The following JMJD1C variants were observed in gnomAD, a reference collection of about 807,000 sequenced individuals.
The protein encoded by JMJD1C is jumonji domain-containing protein 1C.
Under a neutral mutation model 245.3 loss-of-function variants are expected in JMJD1C, and 31 were observed. The ratio of observed to expected loss-of-function variants is 0.13; its 90% CI spans 0.09 to 0.17. The LOEUF (loss-of-function observed/expected upper bound fraction) is 0.17, where lower values mean the gene tolerates loss of function less well. Among genes scored for constraint, JMJD1C ranks in the 10% least tolerant of loss-of-function variants. JMJD1C has a pLI of 1.00. For missense variants in JMJD1C, 2,691 were observed against 3,000.2 expected, an observed-to-expected ratio of 0.90 and a Z score of 2.41; for synonymous variants, 1,057 against 1,017.4, an observed-to-expected ratio of 1.04 and a Z score of -0.74.
intron 2 of JMJD1C, among the ~76,000 whole-genome samples, chr10:63,275,577 TATTTA>T: frequency 6.6e-6 from 1 of 152,294 alleles, no homozygotes; most frequent in East Asian, 1.9e-4. Context: ...AAGAAAAGCT[TATTTA>T]ATTACTTTTA....
At chr10:63,407,958 A>C (rs1174361242) in intron 1 of JMJD1C, among the ~76,000 whole-genome samples, 1 of 152,180 alleles carries the variant, frequency 6.6e-6, no homozygotes, top group Admixed American at 6.5e-5. Context: ...GGAAAAACAG[A>C]ATCAGTGTGG....
At chr10:63,237,406 C>T (rs1049408681) in intron 3 of JMJD1C, among the ~76,000 whole-genome samples, 7 of 152,100 alleles carry the variant, frequency 4.6e-5, no homozygotes, top group Non-Finnish European at 2.9e-5. Context: ...AATACCACAT[C>T]GAAGTTTTTT....
chr10:63,426,822 GATA>G (rs748071306), intron 1 of JMJD1C, among the ~76,000 whole-genome samples: 1 of 152,116 alleles, frequency 6.6e-6, no homozygotes, highest in Non-Finnish European at 1.5e-5. Flanking sequence ...TCTAGTGTAA[GATA>G]ATATTTTCTC....
rs1339098527 is a variant in JMJD1C at position 63,209,151 on chromosome 10, G to T, written c.2779C>A (p.Pro927Thr). 1 of 1,613,944 alleles carries T rather than the reference G, an allele frequency of 6.2e-7. No individual in the cohort carries two copies. The highest frequency in any genetic ancestry group is 2.2e-5 in the East Asian group (1 of 44,874). The change falls in exon 9 of 26, where the codon CCT (proline) becomes ACT (threonine). Residue 927 changes from proline (P) to threonine (T), a missense_variant. Pro to Thr is a conservative substitution (Grantham distance 38). Around this residue, in one of 9 missense-constraint regions of JMJD1C, gnomAD observed 1,562 missense variants for 1,490.7 expected, o/e 1.05. Transcript: ENST00000399262. Reference protein sequence around the residue: ...IGLLSHIPVRPSSAEPHRPLK... With the variant: ...IGLLSHIPVRTSSAEPHRPLK... ...GGCCGATGAGGCTCTGCACTGGAAGGTCTGACAGGAATGTGACTAAGTAAT... is the reference window on the plus strand; with the variant it reads ...GGCCGATGAGGCTCTGCACTGGAAGTTCTGACAGGAATGTGACTAAGTAAT...
chr10:63,491,580 G>T (rs1322080946), intron 1 of JMJD1C, among the ~76,000 whole-genome samples: 1 of 152,154 alleles, frequency 6.6e-6, no homozygotes, highest in Non-Finnish European at 1.5e-5. Flanking sequence ...TAAGAAGGTG[G>T]ATAAGAGTAT....
chr10:63,274,317 C>T (rs1856587103), intron 2 of JMJD1C, among the ~76,000 whole-genome samples: 3 of 152,172 alleles, frequency 2.0e-5, no homozygotes, highest in African/African-American at 7.2e-5. Context: ...GTAATCCCAG[C>T]ACTCTGGGAG....
At position 63,402,321 on chromosome 10, in the gene JMJD1C, T is replaced by G. The variant is rs149374104; in HGVS notation, c.169-21839A>C. Among the ~76,000 whole-genome samples the G allele has an allele frequency of 3.3e-5, 5 of 152,306 alleles. No individual in the cohort carries two copies. In the East Asian group the frequency reaches 9.6e-4, roughly 29 times the overall value. On this transcript the variant is annotated intron_variant, in intron 1 of 25. Transcript: ENST00000399262. ...AAGTAAGTACATTTACGAAGAATAC[T>G]TGTAACATTTCGTTAAAATAAACTT...
At chr10:63,402,589 C>A (rs1425434785) in intron 1 of JMJD1C, among the ~76,000 whole-genome samples, 1 of 152,166 alleles carries the variant, frequency 6.6e-6, no homozygotes, top group Non-Finnish European at 1.5e-5. Flanking sequence ...CATTTCTGCA[C>A]TTTAATTCCC....
chr10:63,305,401 A>G (rs2134012477), intron 2 of JMJD1C, among the ~76,000 whole-genome samples: 1 of 146,570 alleles, frequency 6.8e-6, no homozygotes, highest in Non-Finnish European at 1.5e-5. Context: ...GGTTGCAGTG[A>G]GCTCTAATTG....
At chr10:63,422,362 C>A (rs558335039) in intron 1 of JMJD1C, among the ~76,000 whole-genome samples, 3 of 152,028 alleles carry the variant, frequency 2.0e-5, no homozygotes, top group African/African-American at 4.8e-5. Context: ...AGTGAGCCAA[C>A]TGCACTCCAG....
At chr10:63,495,310 G>A (rs949607469) in intron 1 of JMJD1C, among the ~76,000 whole-genome samples, 106 of 151,698 alleles carry the variant, frequency 7.0e-4, no homozygotes, top group African/African-American at 2.4e-3. Context: ...GCTAAGGTAA[G>A]ATATAGGAGC....
rs1204530713 is a variant in JMJD1C at position 63,499,793 on chromosome 10, G to T, written n.113+21945C>A. On this transcript the variant is annotated intron_variant and non_coding_transcript_variant, in intron 1 of 3. Transcript: ENST00000633035. ...TTTATTTTATGCAAATATTTAAAAA[G>T]CAAATTTATAAACATACACAATATC... Among the ~76,000 whole-genome samples the T allele has an allele frequency of 3.9e-5, 6 of 152,156 alleles. No individual in the cohort carries two copies. The East Asian group carries it at 1.2e-3, about 29-fold the overall frequency.
chr10:63,269,766 T>G (rs1442304552), intron 2 of JMJD1C, among the ~76,000 whole-genome samples: 1 of 152,222 alleles, frequency 6.6e-6, no homozygotes, highest in Admixed American at 6.5e-5. Context: ...AAAAAACAAC[T>G]TAACCTAGAT....
chr10:63,301,782 C>T (rs1451352553), intron 2 of JMJD1C: 2 of 430,836 alleles, frequency 4.6e-6, no homozygotes, highest in Admixed American at 5.4e-5. Flanking sequence ...CAAACCGGCA[C>T]GTTCTGCATA....
At chr10:63,485,394 C>T (rs763943901) in intron 1 of JMJD1C, among the ~76,000 whole-genome samples, 19 of 152,066 alleles carry the variant, frequency 1.2e-4, no homozygotes, top group South Asian at 2.1e-4. Context: ...GTCTCCATTT[C>T]TACCTCACAA....
rs1360706528 is a variant in JMJD1C at position 63,337,579 on chromosome 10, AAAAG to A, written c.333+42735_333+42738del. ...AAAAGAAAAGAAAAGAAAAGAAAAG[AAAAG>A]AAAAGAAAAGAAAAGAAAAGAAAAG... On this transcript the variant is annotated intron_variant, in intron 2 of 25. Coordinates refer to ENST00000399262, the MANE Select transcript of JMJD1C (RefSeq NM_032776.3). Among the ~76,000 whole-genome samples the A allele has an allele frequency of 9.5e-4, 83 of 86,936 alleles. 7 individuals carry two copies. Among genetic ancestry groups the A allele is most frequent in the Middle Eastern group, 0.011 (2 of 186 alleles). The allele number at this position is 86,936 out of a possible 152,430, so 57.0% of individuals were successfully genotyped here. A position where few individuals can be genotyped will look rare whatever the true frequency, so the allele number is the denominator to read the frequency against.
intron 1 of JMJD1C, among the ~76,000 whole-genome samples, chr10:63,520,722 AAACAGTCTTTG>A (rs1360887865): frequency 6.6e-6 from 1 of 152,180 alleles, no homozygotes; most frequent in Non-Finnish European, 1.5e-5. Context: ...TCGTGTCTGT[AAACAGTCTTTG>A]CAGATGCTCT....
chr10:63,223,020 C>A lies in JMJD1C; in HGVS notation c.448-3037G>T, dbSNP rs1349263983. 23 of 1,328,640 alleles carry A rather than the reference C, an allele frequency of 1.7e-5. No homozygotes were observed. The East Asian group carries it at 5.3e-4, about 31-fold the overall frequency. The allele number at this position is 1,328,640 out of a possible 1,614,324, so 82.3% of individuals were successfully genotyped here. On this transcript the variant is annotated intron_variant, in intron 3 of 25. Coordinates refer to ENST00000399262, the MANE Select transcript of JMJD1C (RefSeq NM_032776.3). ...TCAGCCAATACACTATATAACAATA[C>A]TATTAAAGTATTTTTTCCTGGAATA...
chr10:63,320,895 C>G (rs920601987), intron 2 of JMJD1C, among the ~76,000 whole-genome samples: 8 of 152,136 alleles, frequency 5.3e-5, no homozygotes, highest in Non-Finnish European at 1.0e-4. Flanking sequence ...CCAAGGGAAC[C>G]AACCATGTGT....
Sources: allele counts gnomAD v4.1 joint callset (sites outside exome capture counted in the v4.1 genomes callset), GRCh38; gene constraint gnomAD v4.1.1; regional missense constraint gnomAD v4.1.1; transcripts MANE v1.5; gene names NCBI Gene and HGNC (gene_info 2026-07-23, HGNC 2026-07-21).